POTEJ: variants seen among roughly 807,000 people sequenced by gnomAD.
POTEJ encodes POTE ankyrin domain family member J, also known as POTE ankyrin domain family, member J.
In POTEJ, 11 loss-of-function variants were observed where a neutral mutation model predicts 69.0. The observed-to-expected ratio is 0.16, with a 90% CI of 0.10 to 0.26. The LOEUF (loss-of-function observed/expected upper bound fraction) is 0.26. POTEJ is among the 10% of genes least tolerant of loss of function. The probability of loss-of-function intolerance (pLI) is 1.00; values close to 1 mark genes in which losing one functional copy is unlikely to be tolerated. For missense variants in POTEJ, 327 were observed against 1,045.5 expected (o/e 0.31, Z 9.48); for synonymous variants, 117 against 381.1 (o/e 0.31, Z 8.07).
intron 8 of POTEJ, among the ~76,000 whole-genome samples, chr2:130,631,978 A>G (rs1685915865): frequency 7.0e-6 from 1 of 143,730 alleles, no homozygotes; most frequent in South Asian, 2.1e-4. Context: ...ATGAAAAAAG[A>G]ATGCTCAAAG....
intron 10 of POTEJ, among the ~76,000 whole-genome samples, chr2:130,642,694 T>A (rs1686433433): frequency 1.3e-5 from 2 of 152,282 alleles, no homozygotes; most frequent in African/African-American, 2.4e-5. Context: ...ATAATCTGAC[T>A]TCTGCCCCAC....
intron 1 of POTEJ, among the ~76,000 whole-genome samples, chr2:130,612,543 G>A (rs1190714116): frequency 6.6e-5 from 10 of 152,276 alleles, no homozygotes; most frequent in African/African-American, 2.2e-4. Flanking sequence ...GGCGGATCAC[G>A]AGGTCAGGAG....
chr2:130,656,523 A>C (rs1686994052), intron 14 of POTEJ, 26 bp from the exon 15 acceptor site: 1 of 1,604,736 alleles, frequency 6.2e-7, no homozygotes, highest in South Asian at 1.1e-5. Context: ...TTGAGTGCTA[A>C]CTAAAAGTTC....
intron 6 of POTEJ, among the ~76,000 whole-genome samples, chr2:130,625,429 G>A (rs1685670341): frequency 6.6e-6 from 1 of 151,860 alleles, no homozygotes; most frequent in Non-Finnish European, 1.5e-5. Flanking sequence ...AGTGCTTACT[G>A]TGTGCTAGAT....
intron 13 of POTEJ, among the ~76,000 whole-genome samples, chr2:130,648,266 CT>C (rs1686664584): frequency 6.8e-6 from 1 of 146,432 alleles, no homozygotes; most frequent in African/African-American, 2.6e-5. Context: ...TTTTTATAAC[CT>C]TTAGAATATA....
intron 1 of POTEJ, among the ~76,000 whole-genome samples, chr2:130,613,244 A>G (rs1685280299): frequency 1.5e-5 from 2 of 137,836 alleles, no homozygotes; most frequent in South Asian, 2.2e-4. Flanking sequence ...ACATATATAT[A>G]CATATATATA....
In POTEJ at chr2:130,615,852, G is replaced by A. The variant is rs544547200; in HGVS notation, c.411-938G>A. On this transcript the variant is annotated intron_variant, in intron 1 of 14. Coordinates refer to ENST00000409602, the MANE Select transcript of POTEJ (RefSeq NM_001277083.2). Reference sequence around the variant, plus strand: ...GTCTTAAATCCTAATATGAATGATTGGAAATATCTGATGTACATACATTGT... The same window carrying A: ...GTCTTAAATCCTAATATGAATGATTAGAAATATCTGATGTACATACATTGT... 1.1e-4 allele frequency among the ~76,000 whole-genome samples: 16 copies of A among 139,454 alleles called. 4 individuals are homozygous for A. Among genetic ancestry groups the A allele is most frequent in the Non-Finnish European group, 2.1e-4 (14 of 65,334 alleles). The allele number at this position is 139,454 out of a possible 152,430, so 91.5% of individuals were successfully genotyped here. A position where few individuals can be genotyped will look rare whatever the true frequency, so the allele number is the denominator to read the frequency against.
intron 9 of POTEJ, among the ~76,000 whole-genome samples, chr2:130,634,170 G>A (rs1287650384): frequency 2.0e-5 from 3 of 152,244 alleles, no homozygotes; most frequent in Non-Finnish European, 2.9e-5. Context: ...TTGGCCCAAG[G>A]TGCTAATTTG....
chr2:130,637,108 GTTCT>G (rs1355516410), intron 9 of POTEJ, among the ~76,000 whole-genome samples: 6 of 150,372 alleles, frequency 4.0e-5, no homozygotes, highest in Non-Finnish European at 8.9e-5. Context: ...GTTTGACATG[GTTCT>G]TTCTAACAGT....
At chr2:130,625,090 G>C (rs1179640099) in intron 6 of POTEJ, among the ~76,000 whole-genome samples, 2 of 152,174 alleles carry the variant, frequency 1.3e-5, no homozygotes, top group African/African-American at 4.8e-5. Context: ...CAAACTGTAT[G>C]AGGACACCTT....
intron 11 of POTEJ, among the ~76,000 whole-genome samples, chr2:130,644,554 T>C (rs1686517126): frequency 2.0e-5 from 3 of 152,240 alleles, no homozygotes; most frequent in Admixed American, 6.5e-5. Flanking sequence ...AATCAATAGA[T>C]TCTAATTTAA....
chr2:130,618,774 C>CTTTTTT (rs1204750696), intron 3 of POTEJ, among the ~76,000 whole-genome samples: 25 of 32,206 alleles, frequency 7.8e-4, no homozygotes, highest in Admixed American at 1.2e-3. Context: ...ATTAATCTGA[C>CTTTTTT]TTTTTTTTTT....
At chr2:130,641,321 G>C (rs371745929) in intron 10 of POTEJ, among the ~76,000 whole-genome samples, 1 of 151,794 alleles carries the variant, frequency 6.6e-6, no homozygotes, top group Non-Finnish European at 1.5e-5. Context: ...GTTTTCACCC[G>C]TCCATGGTGA....
At chr2:130,648,092 G>A (rs1226838305) in intron 13 of POTEJ, among the ~76,000 whole-genome samples, 1 of 147,680 alleles carries the variant, frequency 6.8e-6, no homozygotes, top group Non-Finnish European at 1.5e-5. Context: ...TCCTAGAATT[G>A]GCTGATTTTT....
intron 8 of POTEJ, 114 bp downstream of exon 8, chr2:130,631,567 T>C (rs970154427): frequency 2.8e-6 from 1 of 361,846 alleles, no homozygotes; most frequent in Non-Finnish European, 5.4e-6. Context: ...GCATAAATCA[T>C]GAGTGAAAAA....
intron 6 of POTEJ, among the ~76,000 whole-genome samples, chr2:130,626,717 T>C (rs1476329490): frequency 1.3e-5 from 2 of 152,184 alleles, no homozygotes; most frequent in African/African-American, 2.4e-5. Context: ...AGCTATAGTT[T>C]CCTTGTCATA....
chr2:130,645,484 T>A (rs1376701282), intron 11 of POTEJ, among the ~76,000 whole-genome samples: 1 of 131,056 alleles, frequency 7.6e-6, no homozygotes, highest in African/African-American at 2.7e-5. Context: ...TCTTCTCCCT[T>A]TGTCTAAGGT....
intron 1 of POTEJ, among the ~76,000 whole-genome samples, chr2:130,613,255 CACATATATACAT>C (rs201987180): frequency 1.2e-5 from 1 of 84,626 alleles, no homozygotes; most frequent in Admixed American, 1.2e-4. Flanking sequence ...CATATATATA[CACATATATACAT>C]ATATATACAT....
intron 10 of POTEJ, among the ~76,000 whole-genome samples, chr2:130,643,161 G>C (rs1686454354): frequency 6.8e-6 from 1 of 146,132 alleles, no homozygotes; most frequent in Non-Finnish European, 1.5e-5. Context: ...TACTAAGGCA[G>C]CCTCAAGGAA....
Sources: allele counts gnomAD v4.1 joint callset (sites outside exome capture counted in the v4.1 genomes callset), GRCh38; gene constraint gnomAD v4.1.1; transcripts MANE v1.5; gene names NCBI Gene and HGNC (gene_info 2026-07-23, HGNC 2026-07-21).